Variants in NELL1 observed in about 807,000 individuals in gnomAD.
The protein encoded by NELL1 is protein kinase C-binding protein NELL1.
NELL1 carries 76 observed loss-of-function variants against 107.4 expected under a neutral mutation model. That is an observed-to-expected ratio of 0.71 (90% CI 0.59 to 0.86). The LOEUF (loss-of-function observed/expected upper bound fraction) is 0.86, where lower values mean the gene tolerates loss of function less well. Among genes scored for constraint, NELL1 ranks in the 40% least tolerant of loss-of-function variants. The pLI is 0.00. For synonymous variants in NELL1, 353 were observed against 341.2 expected (o/e 1.03, Z -0.38); for missense variants, 1,024 against 1,005.5 (o/e 1.02, Z -0.25).
At chr11:21,476,887 T>TAACACCA (rs1854349818) in intron 15 of NELL1, among the ~76,000 whole-genome samples, 1 of 152,076 alleles carries the variant, frequency 6.6e-6, no homozygotes, top group African/African-American at 2.4e-5. Context: ...ACAGCTGGTG[T>TAACACCA]TCATGGAGGG....
intron 18 of NELL1, among the ~76,000 whole-genome samples, chr11:21,572,694 T>C (rs1418607845): frequency 6.6e-6 from 1 of 151,920 alleles, no homozygotes; most frequent in Non-Finnish European, 1.5e-5. Context: ...CATTGCCCAA[T>C]CTTAACTTTA....
chr11:21,229,049 T>C (rs996093274), intron 13 of NELL1, among the ~76,000 whole-genome samples: 1 of 152,038 alleles, frequency 6.6e-6, no homozygotes, highest in Non-Finnish European at 1.5e-5. Context: ...AAAACCTTTT[T>C]AGAAGGTGGA....
chr11:21,278,385 A>AT (rs1420722782), intron 14 of NELL1, among the ~76,000 whole-genome samples: 1 of 152,178 alleles, frequency 6.6e-6, no homozygotes, highest in Non-Finnish European at 1.5e-5. Flanking sequence ...CTAAGTAGAA[A>AT]TTTTTTAAAA....
At chr11:20,915,700 G>GATATATATATATATATATATAT (rs369114547) in intron 5 of NELL1, among the ~76,000 whole-genome samples, 685 of 29,300 alleles carry the variant, frequency 0.023, 100 homozygotes, top group Middle Eastern at 0.052. Flanking sequence ...CCTCATAGAT[G>GATATATATATATATATATATAT]ATATATATAT....
intron 15 of NELL1, among the ~76,000 whole-genome samples, chr11:21,438,199 A>T (rs547085758): frequency 6.6e-6 from 1 of 151,922 alleles, no homozygotes; most frequent in East Asian, 1.9e-4. Flanking sequence ...CTCATCTGGA[A>T]TAGAGTTTAT....
chr11:21,085,017 T>C (rs1854356249), intron 12 of NELL1, among the ~76,000 whole-genome samples: 1 of 152,222 alleles, frequency 6.6e-6, no homozygotes, highest in Non-Finnish European at 1.5e-5. Flanking sequence ...TACTTATCTT[T>C]TATGGTGTAG....
intron 15 of NELL1, among the ~76,000 whole-genome samples, chr11:21,471,060 A>C (rs917972227): frequency 1.3e-5 from 2 of 152,116 alleles, no homozygotes; most frequent in Non-Finnish European, 2.9e-5. Flanking sequence ...AGACCACAGC[A>C]TGTCTGCTTA....
intron 13 of NELL1, among the ~76,000 whole-genome samples, chr11:21,202,842 T>C (rs1372260019): frequency 6.6e-6 from 1 of 152,194 alleles, no homozygotes; most frequent in Non-Finnish European, 1.5e-5. Flanking sequence ...TCTTATTGGT[T>C]TCAAAGAACT....
At chr11:21,228,717 C>CCTCCCCTCCCTCCCCTCCCCTCCCCA (rs1237918952) in intron 13 of NELL1, among the ~76,000 whole-genome samples, 1 of 24,920 alleles carries the variant, frequency 4.0e-5, no homozygotes, top group African/African-American at 1.9e-4. Flanking sequence ...CCCTCCCACC[C>CCTCCCCTCCCTCCCCTCCCCTCCCCA]CTCCTTCCCT....
chr11:21,259,138 A>C (rs1009874707), intron 14 of NELL1, among the ~76,000 whole-genome samples: 6 of 151,906 alleles, frequency 3.9e-5, no homozygotes, highest in African/African-American at 7.2e-5. Flanking sequence ...ACCTAAAAAC[A>C]CTTGTTGGGC....
intron 2 of NELL1, among the ~76,000 whole-genome samples, chr11:20,744,572 C>T (rs982506506): frequency 6.6e-6 from 1 of 152,208 alleles, no homozygotes; most frequent in African/African-American, 2.4e-5. Flanking sequence ...GTAGTTTAAG[C>T]TCAAATCTGC....
chr11:21,113,138 G>C (rs1855146076), intron 12 of NELL1, among the ~76,000 whole-genome samples: 1 of 151,860 alleles, frequency 6.6e-6, no homozygotes, highest in Admixed American at 6.6e-5. Context: ...CCATCATTTT[G>C]TAGCGTTTGA....
chr11:21,166,022 T>G (rs1856473659), intron 13 of NELL1, among the ~76,000 whole-genome samples: 1 of 151,712 alleles, frequency 6.6e-6, no homozygotes, highest in African/African-American at 2.4e-5. Context: ...CCCAAAGTGC[T>G]GGGATTACAG....
At chr11:21,442,075 C>A (rs562355058) in intron 15 of NELL1, among the ~76,000 whole-genome samples, 1 of 152,110 alleles carries the variant, frequency 6.6e-6, no homozygotes, top group African/African-American at 2.4e-5. Context: ...AAAATATTAA[C>A]TTTTGTTTAT....
At chr11:21,248,332 A>G (rs1043165944) in intron 14 of NELL1, among the ~76,000 whole-genome samples, 2 of 149,522 alleles carry the variant, frequency 1.3e-5, no homozygotes, top group Admixed American at 1.4e-4. Context: ...AGTGACAGTG[A>G]GAGCCTGTCA....
At chr11:21,126,173 A>G (rs1280244372) in intron 13 of NELL1, among the ~76,000 whole-genome samples, 1 of 152,138 alleles carries the variant, frequency 6.6e-6, no homozygotes, top group East Asian at 1.9e-4. Flanking sequence ...CAAAGATAGG[A>G]TAGGATAGCA....
chr11:21,099,227 ACACACAAAC>A (rs1854739135), intron 12 of NELL1, among the ~76,000 whole-genome samples: 1 of 142,086 alleles, frequency 7.0e-6, no homozygotes, highest in Non-Finnish European at 1.5e-5. Flanking sequence ...ACACACACAC[ACACACAAAC>A]ACACACACAC....
intron 15 of NELL1, among the ~76,000 whole-genome samples, chr11:21,467,178 G>C (rs1854052842): frequency 6.6e-6 from 1 of 152,038 alleles, no homozygotes; most frequent in South Asian, 2.1e-4. Context: ...GCCTGGCTTT[G>C]AATTGCAGAT....
intron 12 of NELL1, among the ~76,000 whole-genome samples, chr11:21,079,629 A>G (rs1854218722): frequency 6.6e-6 from 1 of 152,090 alleles, no homozygotes; most frequent in African/African-American, 2.4e-5. Context: ...AATTGTTCAA[A>G]GAAAGAATAA....
Sources: gnomAD v4.1 joint callset for allele counts (sites outside exome capture counted in the v4.1 genomes callset) on GRCh38, gnomAD v4.1.1 for gene constraint, MANE v1.5 for transcripts, NCBI Gene and HGNC (gene_info 2026-07-23, HGNC 2026-07-21) for gene names.